Variants in SEZ6L observed in about 807,000 individuals in gnomAD.
The protein encoded by SEZ6L is seizure related 6 homolog like, also known as seizure 6-like protein.
A neutral mutation model predicts 106.2 loss-of-function variants in SEZ6L; 37 were observed. That is an observed-to-expected ratio of 0.35 (90% CI 0.27 to 0.46). The LOEUF is 0.46. Among genes scored for constraint, SEZ6L ranks in the 20% least tolerant of loss-of-function variants. The probability of loss-of-function intolerance (pLI) is 1.00; values close to 1 mark genes in which losing one functional copy is unlikely to be tolerated. For synonymous variants in SEZ6L, 541 were observed against 570.4 expected (o/e 0.95, Z 0.73); for missense variants, 1,172 against 1,332.8 (o/e 0.88, Z 1.88).
chr22:26,267,010 A>G (rs2080213645), intron 1 of SEZ6L, among the ~76,000 whole-genome samples: 1 of 152,228 alleles, frequency 6.6e-6, no homozygotes, highest in Non-Finnish European at 1.5e-5. Context: ...CAGATGGCCA[A>G]TTAGAGGGAA....
At chr22:26,302,776 G>A (rs1475578572) in intron 5 of SEZ6L, among the ~76,000 whole-genome samples, 1 of 152,216 alleles carries the variant, frequency 6.6e-6, no homozygotes, top group Non-Finnish European at 1.5e-5. Flanking sequence ...AAAGATGGAT[G>A]GGGAGCCACG....
intron 9 of SEZ6L, among the ~76,000 whole-genome samples, chr22:26,337,762 C>T (rs2082690435): frequency 6.6e-6 from 1 of 152,096 alleles, no homozygotes; most frequent in Non-Finnish European, 1.5e-5. Flanking sequence ...AAGCAGGTAG[C>T]TTTTATTTGA....
chr22:26,330,761 C>T (rs926668778), intron 9 of SEZ6L, among the ~76,000 whole-genome samples: 3 of 152,064 alleles, frequency 2.0e-5, no homozygotes, highest in Non-Finnish European at 2.9e-5. Flanking sequence ...CCCGAAACTG[C>T]GTGTAAATTG....
At chr22:26,260,457 T>C (rs1445946895) in intron 1 of SEZ6L, among the ~76,000 whole-genome samples, 1 of 152,222 alleles carries the variant, frequency 6.6e-6, no homozygotes, top group East Asian at 1.9e-4. Context: ...TTGCTTCAAA[T>C]GCCATTAATT....
intron 16 of SEZ6L, 89 bp from the exon 17 acceptor site, chr22:26,380,177 A>G: frequency 7.9e-7 from 1 of 1,261,514 alleles, no homozygotes; most frequent in Admixed American, 1.7e-5. Flanking sequence ...AAGGGCATGG[A>G]CATACAGAGG....
rs901753243 is a variant in SEZ6L at position 26,292,721 on chromosome 22, C to T, written c.410C>T (p.Thr137Ile). ...SARKQLRPKA[T>I]SAATVQRAGS... is the part of the protein sequence containing the mutation. ...AGGAAGCAGCTGAGGCCCAAGGCCA[C>T]CTCCGCAGCCACTGTCCAAAGGGCA... The change falls in exon 2 of 17, where the codon ACC (threonine) becomes ATC (isoleucine). Residue 137 changes from threonine to isoleucine, a missense_variant. Coordinates refer to ENST00000248933, the MANE Select transcript of SEZ6L (RefSeq NM_021115.5). The T allele has an allele frequency of 6.2e-7, 1 of 1,613,902 alleles. No individual in the cohort carries two copies. Among genetic ancestry groups the T allele is most frequent in the Non-Finnish European group, 8.5e-7 (1 of 1,179,954 alleles).
At chr22:26,347,953 G>A in intron 11 of SEZ6L, 40 bp downstream of exon 11, 2 of 1,493,812 alleles carry the variant, frequency 1.3e-6, no homozygotes, top group Non-Finnish European at 1.8e-6. Flanking sequence ...GTCCCTGGGT[G>A]GCAAATCCCT....
chr22:26,246,538 T>G (rs927384217), intron 1 of SEZ6L, among the ~76,000 whole-genome samples: 4 of 152,044 alleles, frequency 2.6e-5, no homozygotes, highest in Admixed American at 6.5e-5. Flanking sequence ...CTCCAGACTT[T>G]CTGTCTTCTT....
chr22:26,224,525 C>T (rs57153092), intron 1 of SEZ6L, among the ~76,000 whole-genome samples: 31,807 of 151,990 alleles, frequency 0.21, 3,649 homozygotes, highest in East Asian at 0.42. Flanking sequence ...CAGGGAGTGG[C>T]TTCATAGGAT....
intron 15 of SEZ6L, among the ~76,000 whole-genome samples, chr22:26,377,425 C>T (rs1225999136): frequency 2.0e-5 from 3 of 152,138 alleles, no homozygotes; most frequent in African/African-American, 4.8e-5. Flanking sequence ...TTAAGCTCCG[C>T]CCCCTCCCTA....
At chr22:26,188,643 C>T (rs1177031558) in intron 1 of SEZ6L, among the ~76,000 whole-genome samples, 1 of 152,210 alleles carries the variant, frequency 6.6e-6, no homozygotes, top group Admixed American at 6.5e-5. Flanking sequence ...GTATTCGGCA[C>T]TCTGTACTCC....
intron 9 of SEZ6L, among the ~76,000 whole-genome samples, chr22:26,339,036 C>T (rs1173934364): frequency 6.6e-6 from 1 of 151,842 alleles, no homozygotes; most frequent in Non-Finnish European, 1.5e-5. Flanking sequence ...CTCGAGGTCT[C>T]CTACTCTTTC....
chr22:26,350,195 TATATATATATATACAC>T (rs1480777198), intron 11 of SEZ6L, among the ~76,000 whole-genome samples: 2 of 129,110 alleles, frequency 1.5e-5, no homozygotes, highest in East Asian at 4.7e-4. Flanking sequence ...TGTGTGTGTG[TATATATATATATACAC>T]ATATATATAT....
At chr22:26,178,876 G>A (rs1939201698) in intron 1 of SEZ6L, among the ~76,000 whole-genome samples, 2 of 152,140 alleles carry the variant, frequency 1.3e-5, no homozygotes, top group South Asian at 2.1e-4. Context: ...GGACCGAGCT[G>A]ATTCTCAGGT....
intron 16 of SEZ6L, among the ~76,000 whole-genome samples, chr22:26,378,387 C>T (rs952615780): frequency 3.9e-5 from 6 of 152,116 alleles, no homozygotes; most frequent in African/African-American, 2.4e-5. Flanking sequence ...AATAATTTGG[C>T]CAAAGTGGCA....
rs552608529 is a variant in SEZ6L, at chr22:26,260,276, A to T, written c.95-32130A>T. 3.3e-5 allele frequency among the ~76,000 whole-genome samples: 5 copies of T among 152,102 alleles called. No individual in the cohort carries two copies. In the South Asian group the frequency reaches 1.0e-3, roughly 32 times the overall value. On this transcript the variant is annotated intron_variant, in intron 1 of 16. Coordinates refer to ENST00000248933, the MANE Select transcript of SEZ6L (RefSeq NM_021115.5). ...CACTGAACACAATTTGTACTCTTTT[A>T]TCCCTCACCCCCTCCCACTATTTCC...
rs180923087 is a variant in SEZ6L at position 26,314,398 on chromosome 22, A to G, written c.2015+496A>G. 2.2e-3 allele frequency among the ~76,000 whole-genome samples: 340 copies of G among 152,324 alleles called. 3 individuals are homozygous for G. Among genetic ancestry groups the G allele is most frequent in the Middle Eastern group, 3.4e-3 (1 of 294 alleles). On this transcript the variant is annotated intron_variant, in intron 9 of 16. Transcript: ENST00000248933. ...GTGGCAAGCATCTCATTTTCAAAGG[A>G]CCAAATGGCCAGTGTGGCCAGCAAG... is the stretch of plus-strand genomic sequence containing the variant.
At chr22:26,376,587 T>C (rs1045441254) in intron 15 of SEZ6L, among the ~76,000 whole-genome samples, 1 of 151,670 alleles carries the variant, frequency 6.6e-6, no homozygotes, top group Admixed American at 6.6e-5. Context: ...ACTAAAAAAA[T>C]AAAAAATAAA....
At chr22:26,304,428 G>T in intron 5 of SEZ6L, among the ~76,000 whole-genome samples, 1 of 142,294 alleles carries the variant, frequency 7.0e-6, no homozygotes, top group African/African-American at 2.6e-5. Context: ...AAGAAAGAAA[G>T]AAAAAGAAAG....
Sources: gnomAD v4.1 joint callset for allele counts (sites outside exome capture counted in the v4.1 genomes callset) on GRCh38, gnomAD v4.1.1 for gene constraint, MANE v1.5 for transcripts, NCBI Gene and HGNC (gene_info 2026-07-23, HGNC 2026-07-21) for gene names.